The following TCF7L2 variants were observed in gnomAD, a reference collection of about 807,000 sequenced individuals.
The protein encoded by TCF7L2 is transcription factor 7 like 2.
In TCF7L2, 23 loss-of-function variants were observed where a neutral mutation model predicts 77.9. The observed-to-expected ratio is 0.30, with a 90% CI of 0.21 to 0.42. The LOEUF is 0.42. Ranked by LOEUF, TCF7L2 falls within the 10% of genes least tolerant of loss-of-function variation. The probability of loss-of-function intolerance (pLI) is 1.00; values close to 1 mark genes in which losing one functional copy is unlikely to be tolerated. For synonymous variants in TCF7L2, 413 were observed against 340.2 expected (o/e 1.21, Z -2.36); for missense variants, 654 against 793.1 (o/e 0.82, Z 2.11).
chr10:113,056,799 TG>T (rs1591097318), intron 5 of TCF7L2, among the ~76,000 whole-genome samples: 1 of 152,214 alleles, frequency 6.6e-6, no homozygotes, highest in East Asian at 1.9e-4. Context: ...ATGATTCATT[TG>T]CCACTTGGAA....
intron 5 of TCF7L2, among the ~76,000 whole-genome samples, chr10:113,134,347 T>A (rs2067078546): frequency 6.6e-6 from 1 of 152,180 alleles, no homozygotes. Flanking sequence ...CAAAAGCAAG[T>A]GTTGGCCTGC....
At chr10:113,053,165 C>A (rs571203286) in intron 5 of TCF7L2, among the ~76,000 whole-genome samples, 1 of 151,844 alleles carries the variant, frequency 6.6e-6, no homozygotes, top group Non-Finnish European at 1.5e-5. Context: ...TGAGCTAGTG[C>A]GTGTTTGGAC....
intron 5 of TCF7L2, among the ~76,000 whole-genome samples, chr10:113,084,969 G>A (rs991974686): frequency 2.6e-5 from 4 of 151,542 alleles, no homozygotes; most frequent in African/African-American, 9.7e-5. Flanking sequence ...AGTTTTCTGA[G>A]GCAAAGAGGA....
At position 113,165,703 on chromosome 10, in the gene TCF7L2, A is replaced by G; in HGVS notation, c.1540A>G (p.Thr514Ala). The change falls in exon 14 of 14, where the codon ACC (threonine) becomes GCC (alanine). Residue 514 changes from threonine to alanine, a missense_variant. Around this residue, in one of 6 missense-constraint regions of TCF7L2, gnomAD observed 272 missense variants for 215.4 expected, o/e 1.26. Transcript: ENST00000627217. The stretch of plus-strand genomic sequence containing the variant: ...AGACGCCAAGTCACAGACTGAGCAG[A>G]CCCAGCCTCTGTCGCTGTCCCTGAA... 5.6e-6 allele frequency: 9 copies of G among 1,609,294 alleles called. No individual in the cohort carries two copies. Among genetic ancestry groups the G allele is most frequent in the Non-Finnish European group, 6.8e-6 (8 of 1,178,866 alleles).
At chr10:113,018,702 G>T (rs149465784) in intron 4 of TCF7L2, among the ~76,000 whole-genome samples, 5 of 151,960 alleles carry the variant, frequency 3.3e-5, no homozygotes, top group Non-Finnish European at 7.4e-5. Context: ...TCCTGACCTC[G>T]AGTGATCCGC....
intron 4 of TCF7L2, among the ~76,000 whole-genome samples, chr10:113,021,308 CTTA>C: frequency 6.6e-6 from 1 of 152,276 alleles, no homozygotes; most frequent in African/African-American, 2.4e-5. Context: ...GATTCTGCTA[CTTA>C]TTATTGTTTT....
chr10:113,035,863 A>G (rs1187479071), intron 4 of TCF7L2, among the ~76,000 whole-genome samples: 1 of 152,196 alleles, frequency 6.6e-6, no homozygotes, highest in East Asian at 1.9e-4. Flanking sequence ...TTCGAGTTAC[A>G]ATGGCTGAGT....
Position 113,039,709 on chromosome 10 carries a change from C to T in TCF7L2, c.451-316C>T, listed in dbSNP as rs562005426. Among the ~76,000 whole-genome samples the T allele has an allele frequency of 6.2e-4, 94 of 152,206 alleles. 1 individual carries two copies. The South Asian group carries it at 0.019, about 32-fold the overall frequency. On this transcript the variant is annotated intron_variant, in intron 4 of 13. Transcript: ENST00000627217. Reference sequence around the variant, plus strand: ...CTTTCCTCTCCCTCCCCACCTCTCCCACTCCCCTCCAGCCCCCACCAAGTT... The same window carrying T: ...CTTTCCTCTCCCTCCCCACCTCTCCTACTCCCCTCCAGCCCCCACCAAGTT...
chr10:112,981,873 C>T (rs2040536676), intron 4 of TCF7L2, among the ~76,000 whole-genome samples: 1 of 152,198 alleles, frequency 6.6e-6, no homozygotes, highest in African/African-American at 2.4e-5. Context: ...GTGACCAGGA[C>T]TCCTGGTCGG....
At chr10:113,027,986 T>C (rs948174199) in intron 4 of TCF7L2, among the ~76,000 whole-genome samples, 4 of 152,158 alleles carry the variant, frequency 2.6e-5, no homozygotes, top group Non-Finnish European at 4.4e-5. Flanking sequence ...AAGGGAACTA[T>C]TGTGTGAGGC....
At chr10:113,158,969 G>T (rs2072553026) in intron 12 of TCF7L2, among the ~76,000 whole-genome samples, 1 of 147,472 alleles carries the variant, frequency 6.8e-6, no homozygotes, top group African/African-American at 2.5e-5. Context: ...CAGTGATTTA[G>T]AGTTGAACTA....
chr10:113,115,060 G>A (rs1471818219), intron 5 of TCF7L2, among the ~76,000 whole-genome samples: 12 of 152,230 alleles, frequency 7.9e-5, no homozygotes, highest in African/African-American at 1.4e-4. Context: ...GAGGAAGAGC[G>A]TTGGATGGCA....
chr10:113,129,310 C>A, intron 5 of TCF7L2: 1 of 986,174 alleles, frequency 1.0e-6, no homozygotes, highest in Non-Finnish European at 1.2e-6. Context: ...TGATCATTTT[C>A]CCTCATGGCT....
intron 5 of TCF7L2, among the ~76,000 whole-genome samples, chr10:113,136,187 GA>G (rs2067364995): frequency 6.6e-6 from 1 of 152,176 alleles, no homozygotes; most frequent in Admixed American, 6.5e-5. Context: ...GGATTTCCTA[GA>G]ATAAAGCATG....
At chr10:112,992,857 G>A (rs1467153455) in intron 4 of TCF7L2, among the ~76,000 whole-genome samples, 2 of 151,540 alleles carry the variant, frequency 1.3e-5, no homozygotes, top group Non-Finnish European at 2.9e-5. Flanking sequence ...TCCGCCCTCC[G>A]AGTTCAAGCG....
At position 113,107,752 on chromosome 10, in the gene TCF7L2, T is replaced by TAAAAAAAAAAAA. The variant is rs398014821; in HGVS notation, c.553-33419_553-33408dup. 2.4e-3 allele frequency among the ~76,000 whole-genome samples: 130 copies of TAAAAAAAAAAAA among 55,204 alleles called. 1 individual carries two copies. Among genetic ancestry groups the TAAAAAAAAAAAA allele is most frequent in the Non-Finnish European group, 3.4e-3 (101 of 29,290 alleles). 36.2% of individuals were successfully genotyped at this position (55,204 alleles called of 152,430 possible). On this transcript the variant is annotated intron_variant, in intron 5 of 13. Transcript: ENST00000627217. ...CTGGGCGACCGAGCGAGACTCCGTC[T>TAAAAAAAAAAAA]AAAAAAAAAAAAAAAAAAAAAAAAC...
At chr10:113,130,515 G>T (rs1276133542) in intron 5 of TCF7L2, among the ~76,000 whole-genome samples, 1 of 152,172 alleles carries the variant, frequency 6.6e-6, no homozygotes, top group African/African-American at 2.4e-5. Flanking sequence ...CTAACTTTCT[G>T]TTGCTCCGTC....
At chr10:113,160,778 C>T in intron 13 of TCF7L2, 1 of 1,255,390 alleles carries the variant, frequency 8.0e-7, no homozygotes, top group Non-Finnish European at 1.1e-6. Context: ...TGACCTCGTT[C>T]CCCATCTACT....
chr10:113,151,298 G>T lies in TCF7L2; in HGVS notation c.1001+175G>T, dbSNP rs1341251025. On this transcript the variant is annotated intron_variant, in intron 9 of 13. Transcript: ENST00000627217. The surrounding 1 kb of genome is among the most constrained non-coding windows in gnomAD (Gnocchi z 5.2). ...ACAAAGAGAGAGAGAGTGCACAGTG[G>T]CAGAATCTCACTGTACCACCGTGGG... 6.6e-6 allele frequency among the ~76,000 whole-genome samples: 1 copy of T among 152,064 alleles called. No individual in the cohort carries two copies. The highest frequency in any genetic ancestry group is 1.5e-5 in the Non-Finnish European group (1 of 68,018).
Sources: allele counts gnomAD v4.1 joint callset (sites outside exome capture counted in the v4.1 genomes callset), GRCh38; gene constraint gnomAD v4.1.1; regional missense constraint gnomAD v4.1.1; non-coding constraint Gnocchi (gnomAD v3.1); transcripts MANE v1.5; gene names NCBI Gene and HGNC (gene_info 2026-07-23, HGNC 2026-07-21).